Variants in RNGTT observed in about 807,000 individuals in gnomAD.
The protein encoded by RNGTT is mRNA-capping enzyme.
Under a neutral mutation model 79.3 loss-of-function variants are expected in RNGTT, and 33 were observed. The observed-to-expected ratio is 0.42, with a 90% confidence interval of 0.32 to 0.56. The LOEUF (loss-of-function observed/expected upper bound fraction) is 0.56. RNGTT is among the 20% of genes least tolerant of loss of function. RNGTT has a pLI of 0.17. For synonymous variants in RNGTT, 222 were observed against 235.9 expected, an observed-to-expected ratio of 0.94 and a Z score of 0.54; for missense variants, 497 against 739.1, an observed-to-expected ratio of 0.67 and a Z score of 3.80.
chr6:88,920,550 T>C (rs1784132981), intron 4 of RNGTT, among the ~76,000 whole-genome samples: 1 of 152,156 alleles, frequency 6.6e-6, no homozygotes, highest in South Asian at 2.1e-4. Flanking sequence ...TATATTGAGG[T>C]ATATGACTAG....
chr6:88,660,549 T>TAAAAAAAAAAAAAAAAAAAAAAA (rs139978224), intron 14 of RNGTT, among the ~76,000 whole-genome samples: 7 of 144,264 alleles, frequency 4.9e-5, no homozygotes, highest in African/African-American at 1.9e-4. Flanking sequence ...GCAACAATGG[T>TAAAAAAAAAAAAAAAAAAAAAAA]AAAAAAAAAG....
chr6:88,692,135 T>C (rs1457489058), intron 13 of RNGTT, among the ~76,000 whole-genome samples: 1 of 152,062 alleles, frequency 6.6e-6, no homozygotes, highest in Admixed American at 6.6e-5. Context: ...GAACAACAGG[T>C]AGAGCAAGCC....
chr6:88,708,099 T>C (rs1261219833), intron 13 of RNGTT, among the ~76,000 whole-genome samples: 1 of 152,000 alleles, frequency 6.6e-6, no homozygotes, highest in Non-Finnish European at 1.5e-5. Context: ...TGATGCCATA[T>C]GAATACACTT....
At chr6:88,778,677 T>C (rs915527315) in intron 12 of RNGTT, among the ~76,000 whole-genome samples, 4 of 152,144 alleles carry the variant, frequency 2.6e-5, no homozygotes, top group Non-Finnish European at 4.4e-5. Flanking sequence ...TTATAAATTA[T>C]TTAAAACTGC....
chr6:88,731,130 G>A, intron 13 of RNGTT, among the ~76,000 whole-genome samples: 1 of 151,718 alleles, frequency 6.6e-6, no homozygotes, highest in Admixed American at 6.6e-5. Flanking sequence ...TTAAGAAAAA[G>A]TTCTTAGAGA....
intron 8 of RNGTT, among the ~76,000 whole-genome samples, chr6:88,860,687 C>T (rs1208111300): frequency 6.6e-6 from 1 of 152,028 alleles, no homozygotes; most frequent in Non-Finnish European, 1.5e-5. Flanking sequence ...TGCTTACAGT[C>T]AAGAAGGCTA....
At chr6:88,668,985 A>C (rs12175028) in intron 14 of RNGTT, among the ~76,000 whole-genome samples, 19,136 of 152,236 alleles carry the variant, frequency 0.13, 1,319 homozygotes, top group Middle Eastern at 0.22. Context: ...AAAAGGATGA[A>C]AAAGACCCTG....
intron 13 of RNGTT, among the ~76,000 whole-genome samples, chr6:88,721,620 T>G (rs1188977066): frequency 1.3e-5 from 2 of 152,092 alleles, no homozygotes; most frequent in African/African-American, 4.8e-5. Context: ...ATCTAAAAGA[T>G]AATGGCTAAA....
chr6:88,800,566 T>C (rs1562259554), intron 12 of RNGTT, among the ~76,000 whole-genome samples: 1 of 152,206 alleles, frequency 6.6e-6, no homozygotes, highest in Non-Finnish European at 1.5e-5. Flanking sequence ...TGGTTGCACA[T>C]GAAATAAACT....
chr6:88,930,128 G>A (rs1448887975), intron 2 of RNGTT, among the ~76,000 whole-genome samples: 4 of 133,364 alleles, frequency 3.0e-5, no homozygotes, highest in East Asian at 2.1e-4. Context: ...ATATATACAC[G>A]TATACATACA....
intron 8 of RNGTT, among the ~76,000 whole-genome samples, chr6:88,876,894 T>C (rs1164193335): frequency 6.6e-6 from 1 of 152,240 alleles, no homozygotes; most frequent in Non-Finnish European, 1.5e-5. Context: ...CTAGCAGATT[T>C]TGGTAATAGG....
chr6:88,941,113 C>T lies in RNGTT; in HGVS notation c.132G>A (p.Arg44=). 1 of 1,613,476 alleles carries T rather than the reference C, an allele frequency of 6.2e-7. No individual in the cohort carries two copies. Among genetic ancestry groups the T allele is most frequent in the South Asian group, 1.1e-5 (1 of 91,036 alleles). Residue 44 remains arginine, a synonymous_variant, in exon 2 of 16, where the codon CGG becomes CGA. Transcript: ENST00000369485. ...RYDSQVAEEN[R]FHPSMLSNYL... ...AATTTGAGAGCATGCTGGGATGGAA[C>T]CGATTTTCTTCAGCAACTTGACTAT...
rs548821297 is a variant in RNGTT, at chr6:88,740,233, C to T, written c.1439+29541G>A. The stretch of plus-strand genomic sequence containing the variant: ...ATTAAAAGCGATCAAAAAATGAAAA[C>T]GGGATCAGGCATGGTGGCTCATGCC... On this transcript the variant is annotated intron_variant, in intron 13 of 15. Coordinates refer to ENST00000369485, the MANE Select transcript of RNGTT (RefSeq NM_003800.5). Among the ~76,000 whole-genome samples, 183 of 152,080 alleles carry T rather than the reference C, an allele frequency of 1.2e-3. 5 individuals are homozygous for T. Among genetic ancestry groups the T allele is most frequent in the African/African-American group, 4.1e-3 (171 of 41,498 alleles).
intron 6 of RNGTT, among the ~76,000 whole-genome samples, chr6:88,894,964 G>C (rs1427780155): frequency 6.6e-6 from 1 of 151,892 alleles, no homozygotes; most frequent in Non-Finnish European, 1.5e-5. Context: ...AATGTCTTCG[G>C]TCTGGAATTA....
Position 88,963,547 on chromosome 6 carries a change from C to G in RNGTT, c.-138G>C. On this transcript the variant is annotated 5_prime_UTR_variant, in exon 1 of 16. Transcript: ENST00000369485. ...AATCTGAATTCCAACCTCTCCGATCCGGGTAACGTCAGGGGCGGCGCGCCA... is the reference window on the plus strand; with the variant it reads ...AATCTGAATTCCAACCTCTCCGATCGGGGTAACGTCAGGGGCGGCGCGCCA... 2 of 766,138 alleles carry G rather than the reference C, an allele frequency of 2.6e-6. No individual in the cohort carries two copies. The highest frequency in any genetic ancestry group is 3.3e-5 in the East Asian group (1 of 30,346). 47.5% of individuals were successfully genotyped at this position (766,138 alleles called of 1,614,324 possible). A position where few individuals can be genotyped will look rare whatever the true frequency, so the allele number is the denominator to read the frequency against.
At chr6:88,641,445 G>A (rs79627063) in intron 14 of RNGTT, among the ~76,000 whole-genome samples, 356 of 152,146 alleles carry the variant, frequency 2.3e-3, no homozygotes, top group African/African-American at 7.9e-3. Flanking sequence ...GTGCTGTAGA[G>A]ACAAGCAAAG....
rs185172781 is a variant in RNGTT, at chr6:88,809,206, G to A, written c.1270-7574C>T. Among the ~76,000 whole-genome samples, 3 of 152,068 alleles carry A rather than the reference G, an allele frequency of 2.0e-5. No homozygotes were observed. In the East Asian group the frequency reaches 5.8e-4, roughly 29 times the overall value. On this transcript the variant is annotated intron_variant, in intron 11 of 15. Coordinates refer to ENST00000369485, the MANE Select transcript of RNGTT (RefSeq NM_003800.5). Reference sequence around the variant, plus strand: ...TCAGGAGTCTGTAACAATCTTAAATGTATACACACCTTAAAAAAAGCTTCA... The same window carrying A: ...TCAGGAGTCTGTAACAATCTTAAATATATACACACCTTAAAAAAAGCTTCA...
intron 1 of RNGTT, among the ~76,000 whole-genome samples, chr6:88,952,843 G>A (rs1377937270): frequency 3.3e-5 from 5 of 152,170 alleles, no homozygotes. Context: ...TCCACAGTGT[G>A]ACTAGAACCA....
intron 1 of RNGTT, among the ~76,000 whole-genome samples, chr6:88,956,202 T>C (rs1289989375): frequency 6.6e-6 from 1 of 151,790 alleles, no homozygotes; most frequent in Non-Finnish European, 1.5e-5. Context: ...TAAAAGATCA[T>C]TCAATAGTAC....
Sources: gnomAD v4.1 joint callset for allele counts (sites outside exome capture counted in the v4.1 genomes callset) on GRCh38, gnomAD v4.1.1 for gene constraint, MANE v1.5 for transcripts, NCBI Gene and HGNC (gene_info 2026-07-23, HGNC 2026-07-21) for gene names.